ZNF131: variants seen among roughly 807,000 people sequenced by gnomAD.
ZNF131 encodes zinc finger protein 131.
ZNF131 carries 7 observed loss-of-function variants against 60.0 expected under a neutral mutation model. The observed-to-expected ratio is 0.12, with a 90% CI of 0.07 to 0.22. The LOEUF is 0.22. ZNF131 is among the 10% of genes least tolerant of loss of function. ZNF131 has a pLI of 1.00. For synonymous variants in ZNF131, 257 were observed against 253.2 expected (o/e 1.01, Z -0.14); for missense variants, 493 against 740.9 (o/e 0.67, Z 3.88).
chr5:43,137,056 A>G (rs1486258165), intron 3 of ZNF131, among the ~76,000 whole-genome samples: 1 of 152,214 alleles, frequency 6.6e-6, no homozygotes, highest in Non-Finnish European at 1.5e-5. Flanking sequence ...TAAAAAAGAA[A>G]AAAACTCAAA....
intron 4 of ZNF131, among the ~76,000 whole-genome samples, chr5:43,147,733 T>TAA (rs1206761067): frequency 7.4e-6 from 1 of 135,406 alleles, no homozygotes; most frequent in Non-Finnish European, 1.6e-5. Context: ...TTTGGAAGTT[T>TAA]AAAAAAAAAA....
intron 3 of ZNF131, among the ~76,000 whole-genome samples, chr5:43,131,316 G>T (rs1421667829): frequency 6.6e-6 from 1 of 151,918 alleles, no homozygotes; most frequent in Non-Finnish European, 1.5e-5. Context: ...GGGATTACAG[G>T]CGTGCACCAC....
intron 4 of ZNF131, among the ~76,000 whole-genome samples, chr5:43,158,581 C>T (rs925812173): frequency 2.6e-5 from 4 of 152,224 alleles, no homozygotes; most frequent in Admixed American, 1.3e-4. Flanking sequence ...TGAGCCACCG[C>T]GCCCGGCCAG....
At chr5:43,168,823 C>T (rs373584468) in intron 5 of ZNF131, among the ~76,000 whole-genome samples, 1 of 151,994 alleles carries the variant, frequency 6.6e-6, no homozygotes, top group African/African-American at 2.4e-5. Context: ...CATTAGGTAG[C>T]CTGGATCAAT....
chr5:43,174,745 T>G lies in ZNF131; in HGVS notation c.1484T>G (p.Val495Gly). 2 of 1,614,212 alleles carry G rather than the reference T, an allele frequency of 1.2e-6. No individual in the cohort carries two copies. The highest frequency in any genetic ancestry group is 1.6e-4 in the Middle Eastern group (1 of 6,062). ...QVQVDSAQVT[V>G]EQVHPDLLQD... Reference sequence around the variant, plus strand: ...CAGGTGGATTCAGCACAAGTGACTGTGGAACAAGTCCATCCAGATCTGCTC... The same window carrying G: ...CAGGTGGATTCAGCACAAGTGACTGGGGAACAAGTCCATCCAGATCTGCTC... The change falls in exon 7 of 7, where the codon GTG becomes GGG. Residue 495 changes from valine (V) to glycine (G), a missense_variant. Physicochemically the swap from Val to Gly is moderately radical, Grantham distance 109. Around this residue, in one of 7 missense-constraint regions of ZNF131, gnomAD observed 202 missense variants for 221.3 expected, o/e 0.91. Transcript: ENST00000682664.
intron 5 of ZNF131, among the ~76,000 whole-genome samples, chr5:43,163,047 C>G (rs1002597138): frequency 1.5e-5 from 2 of 133,940 alleles, no homozygotes; most frequent in Non-Finnish European, 3.1e-5. Flanking sequence ...TCTTGGCTCA[C>G]TGTAACCTCC....
chr5:43,166,642 A>G (rs1406630881), intron 5 of ZNF131, among the ~76,000 whole-genome samples: 2 of 148,852 alleles, frequency 1.3e-5, no homozygotes, highest in African/African-American at 5.0e-5. Context: ...TACAGGCACG[A>G]GCCACCATGC....
At chr5:43,157,513 C>G (rs548808111) in intron 4 of ZNF131, among the ~76,000 whole-genome samples, 2 of 151,918 alleles carry the variant, frequency 1.3e-5, no homozygotes, top group East Asian at 3.9e-4. Context: ...AAAAGAGTCT[C>G]TCTCCCACAG....
At chr5:43,160,628 T>TC (rs1464073674) in intron 4 of ZNF131, among the ~76,000 whole-genome samples, 2 of 151,896 alleles carry the variant, frequency 1.3e-5, no homozygotes, top group Non-Finnish European at 2.9e-5. Context: ...GGCTTATTTT[T>TC]CCCATACACA....
intron 3 of ZNF131, among the ~76,000 whole-genome samples, chr5:43,136,476 C>A (rs1294939151): frequency 1.4e-5 from 1 of 70,060 alleles, no homozygotes; most frequent in African/African-American, 5.5e-5. Context: ...AGGCATCATA[C>A]TTTTTTTTTT....
At chr5:43,143,084 G>A (rs1408421684) in intron 4 of ZNF131, among the ~76,000 whole-genome samples, 9 of 149,676 alleles carry the variant, frequency 6.0e-5, no homozygotes. Context: ...GTGCAGTGGC[G>A]TGATCTCGGC....
intron 4 of ZNF131, among the ~76,000 whole-genome samples, chr5:43,158,629 C>T (rs1446067863): frequency 6.6e-6 from 1 of 152,200 alleles, no homozygotes; most frequent in East Asian, 1.9e-4. Context: ...ACACTTACTT[C>T]CAAATAAGGC....
At chr5:43,170,213 A>G (rs1440176091) in intron 5 of ZNF131, among the ~76,000 whole-genome samples, 7 of 152,216 alleles carry the variant, frequency 4.6e-5, no homozygotes, top group Admixed American at 4.6e-4. Context: ...AGTTGAAAAG[A>G]GTTTCTGTAT....
chr5:43,162,969 C>CTTTT (rs1205635519), intron 5 of ZNF131, among the ~76,000 whole-genome samples: 8 of 64,922 alleles, frequency 1.2e-4, no homozygotes, highest in Non-Finnish European at 2.1e-4. Flanking sequence ...TTTTATTTGC[C>CTTTT]TTTTTTTTTT....
chr5:43,147,398 TTTTTA>T (rs1027574614), intron 4 of ZNF131, among the ~76,000 whole-genome samples: 5 of 151,004 alleles, frequency 3.3e-5, no homozygotes, highest in African/African-American at 7.3e-5. Context: ...TTAAATCTTT[TTTTTA>T]TTTTATTTTA....
rs1748311405 is a variant in ZNF131, at chr5:43,151,524, T to G, written c.372-9725T>G. On this transcript the variant is annotated intron_variant, in intron 4 of 6. Coordinates refer to ENST00000682664, the MANE Select transcript of ZNF131 (RefSeq NM_001330707.2). ...ATCTCAGTTCGCTGCAACCTCTGCC[T>G]TCTGGGCTCAAGCAATACTCCTGCC... is the stretch of plus-strand genomic sequence containing the variant. 2.0e-5 allele frequency among the ~76,000 whole-genome samples: 3 copies of G among 151,970 alleles called. No individual in the cohort carries two copies. The South Asian group carries it at 6.2e-4, about 32-fold the overall frequency.
At chr5:43,132,566 A>G (rs555276) in intron 3 of ZNF131, among the ~76,000 whole-genome samples, 40,613 of 140,174 alleles carry the variant, frequency 0.29, 6,163 homozygotes, top group East Asian at 0.64. Context: ...CCTAGATTGC[A>G]GTGGCATGAT....
At position 43,123,326 on chromosome 5, in the gene ZNF131, T is replaced by G; in HGVS notation, c.226+16T>G. ...GAGATAGAAGGTAAATGATTCTTGT[T>G]GTTTTTTTATTTAATAAATCAAAGA... On this transcript the variant is annotated intron_variant, in intron 3 of 6. Coordinates refer to ENST00000682664, the MANE Select transcript of ZNF131 (RefSeq NM_001330707.2). 6.4e-7 allele frequency: 1 copy of G among 1,570,032 alleles called. No individual in the cohort carries two copies. Among genetic ancestry groups the G allele is most frequent in the Non-Finnish European group, 8.6e-7 (1 of 1,161,016 alleles).
At chr5:43,127,164 T>C (rs969969642) in intron 3 of ZNF131, among the ~76,000 whole-genome samples, 5 of 152,104 alleles carry the variant, frequency 3.3e-5, no homozygotes, top group African/African-American at 4.8e-5. Flanking sequence ...GCTTTCTCCA[T>C]CTTAGCTAGA....
Sources: allele counts gnomAD v4.1 joint callset (sites outside exome capture counted in the v4.1 genomes callset), GRCh38; gene constraint gnomAD v4.1.1; regional missense constraint gnomAD v4.1.1; transcripts MANE v1.5; gene names NCBI Gene and HGNC (gene_info 2026-07-23, HGNC 2026-07-21).